The following RABEPK variants were observed in gnomAD, a reference collection of about 807,000 sequenced individuals.
RABEPK encodes the protein 40 kDa Rab9 effector protein.
In RABEPK, 27 loss-of-function variants were observed where a neutral mutation model predicts 34.1. The observed-to-expected ratio is 0.79, with a 90% CI of 0.58 to 1.09. The LOEUF (loss-of-function observed/expected upper bound fraction) is 1.09, where lower values mean the gene tolerates loss of function less well. RABEPK is among the 50% of genes least tolerant of loss of function. The pLI, the probability that RABEPK is intolerant of heterozygous loss-of-function variation, is 0.00. For synonymous variants in RABEPK, 172 were observed against 169.2 expected (o/e 1.02, Z -0.13); for missense variants, 449 against 462.6 (o/e 0.97, Z 0.27).
At chr9:125,231,735 G>T (rs1326720317) in intron 6 of RABEPK, among the ~76,000 whole-genome samples, 1 of 151,300 alleles carries the variant, frequency 6.6e-6, no homozygotes, top group Non-Finnish European at 1.5e-5. Context: ...TGGGAGTCAA[G>T]ATCAAGCCAC....
At chr9:125,222,709 G>GTTT in intron 5 of RABEPK, among the ~76,000 whole-genome samples, 1 of 92,518 alleles carries the variant, frequency 1.1e-5, no homozygotes, top group Non-Finnish European at 1.9e-5. Flanking sequence ...GCAAGACTCT[G>GTTT]TATCAAAAAA....
intron 2 of RABEPK, among the ~76,000 whole-genome samples, chr9:125,207,131 A>G (rs1830276057): frequency 6.6e-6 from 1 of 152,010 alleles, no homozygotes; most frequent in Non-Finnish European, 1.5e-5. Context: ...TCATTTCACA[A>G]ATGAGTAAAC....
intron 4 of RABEPK, among the ~76,000 whole-genome samples, chr9:125,217,583 G>A (rs927352880): frequency 6.6e-6 from 1 of 151,912 alleles, no homozygotes; most frequent in Non-Finnish European, 1.5e-5. Context: ...ATATTAAAGA[G>A]GGTGATTTTC....
chr9:125,213,995 G>A (rs543658989), intron 4 of RABEPK, among the ~76,000 whole-genome samples: 36 of 152,042 alleles, frequency 2.4e-4, no homozygotes, highest in African/African-American at 7.0e-4. Flanking sequence ...AGTGGTGGGC[G>A]CCTATAATCC....
At chr9:125,213,305 C>T (rs1830703209) in intron 3 of RABEPK, 65 bp from the exon 4 acceptor site, 2 of 1,533,986 alleles carry the variant, frequency 1.3e-6, no homozygotes, top group Non-Finnish European at 1.8e-6. Context: ...TGACCCTCCT[C>T]AAGTGTGCCA....
chr9:125,211,968 C>CA (rs1009703533), intron 3 of RABEPK, among the ~76,000 whole-genome samples: 97 of 136,178 alleles, frequency 7.1e-4, no homozygotes, highest in East Asian at 1.9e-3. Context: ...GACTCCATCT[C>CA]AAAAAAAAAA....
At chr9:125,220,477 G>A in intron 4 of RABEPK, 62 bp from the exon 5 acceptor site, 1 of 1,534,886 alleles carries the variant, frequency 6.5e-7, no homozygotes, top group Non-Finnish European at 8.8e-7. Context: ...CTCAGCCCCA[G>A]AGTCAAGGTC....
chr9:125,212,057 A>G (rs757670187), intron 3 of RABEPK, among the ~76,000 whole-genome samples: 1 of 152,176 alleles, frequency 6.6e-6, no homozygotes, highest in Non-Finnish European at 1.5e-5. Context: ...ATTGCAACCT[A>G]TTAATAGCTT....
At chr9:125,233,206 G>C (rs1832332475) in intron 7 of RABEPK, among the ~76,000 whole-genome samples, 1 of 151,830 alleles carries the variant, frequency 6.6e-6, no homozygotes, top group South Asian at 2.1e-4. Flanking sequence ...GCTGCCATAA[G>C]GTTTTTTTCC....
chr9:125,204,149 ATG>A (rs1213213263), intron 2 of RABEPK, among the ~76,000 whole-genome samples: 2 of 152,050 alleles, frequency 1.3e-5, no homozygotes, highest in Admixed American at 1.3e-4. Context: ...TCTGGCTAAC[ATG>A]GTGAAACCCT....
At chr9:125,200,980 T>C in intron 1 of RABEPK, 74 bp downstream of exon 1, 1 of 391,320 alleles carries the variant, frequency 2.6e-6, no homozygotes, top group South Asian at 1.9e-5. Flanking sequence ...TTCTACTCCA[T>C]GCCAGGTCCA....
chr9:125,213,702 AT>A lies in RABEPK; in HGVS notation c.364+181del, dbSNP rs574735458. ...TGTAGCATAATCTGAAAACAACAGA[AT>A]AAAAACAATTGTTGGTAACACATAC... is the stretch of plus-strand genomic sequence containing the variant. On this transcript the variant is annotated intron_variant, in intron 4 of 7. Coordinates refer to ENST00000373538, the MANE Select transcript of RABEPK (RefSeq NM_005833.4). Among the ~76,000 whole-genome samples the A allele has an allele frequency of 5.1e-3, 773 of 152,376 alleles. 1 individual carries two copies. Among genetic ancestry groups the A allele is most frequent in the Middle Eastern group, 0.031 (9 of 294 alleles).
intron 3 of RABEPK, among the ~76,000 whole-genome samples, chr9:125,210,792 G>A (rs563161014): frequency 5.3e-5 from 8 of 150,430 alleles, no homozygotes; most frequent in African/African-American, 9.7e-5. Context: ...ACCCACTTAC[G>A]TATTTTGTTA....
intron 4 of RABEPK, 73 bp from the exon 5 acceptor site, chr9:125,220,466 A>G: frequency 6.5e-7 from 1 of 1,526,720 alleles, no homozygotes; most frequent in Non-Finnish European, 8.8e-7. Flanking sequence ...AACTGACTTC[A>G]CTCAGCCCCA....
intron 5 of RABEPK, 130 bp downstream of exon 5, chr9:125,220,830 T>C: frequency 8.5e-7 from 1 of 1,177,540 alleles, no homozygotes; most frequent in African/African-American, 1.6e-5. Context: ...TTGTTATATC[T>C]CTTAGCTGAT....
Position 125,200,667 on chromosome 9 carries a change from G to A in RABEPK, c.-246G>A, listed in dbSNP as rs1395532105. 3 of 471,052 alleles carry A rather than the reference G, an allele frequency of 6.4e-6. No individual in the cohort carries two copies. The highest frequency in any genetic ancestry group is 4.0e-5 in the African/African-American group (2 of 50,088). The allele number at this position is 471,052 out of a possible 1,614,324, so 29.2% of individuals were successfully genotyped here. A position where few individuals can be genotyped will look rare whatever the true frequency, so the allele number is the denominator to read the frequency against. ...CGGGCAGGGAGTCTGAATCTTTTAGGGGAGTGGGCCCAAGCCGGGTGCAAA... is the reference window on the plus strand; with the variant it reads ...CGGGCAGGGAGTCTGAATCTTTTAGAGGAGTGGGCCCAAGCCGGGTGCAAA... On this transcript the variant is annotated 5_prime_UTR_variant, in exon 1 of 8. Coordinates refer to ENST00000373538, the MANE Select transcript of RABEPK (RefSeq NM_005833.4).
At chr9:125,219,468 C>T (rs1008131881) in intron 4 of RABEPK, among the ~76,000 whole-genome samples, 1 of 152,046 alleles carries the variant, frequency 6.6e-6, no homozygotes, top group Admixed American at 6.6e-5. Context: ...GATCTCAGCT[C>T]ACTGCATCCT....
chr9:125,212,825 A>G (rs1256783690), intron 3 of RABEPK, among the ~76,000 whole-genome samples: 2 of 151,638 alleles, frequency 1.3e-5, no homozygotes, highest in African/African-American at 4.8e-5. Context: ...ACGTGCCACT[A>G]TGCTTGGCTA....
chr9:125,230,538 A>AT (rs35131281), intron 6 of RABEPK, among the ~76,000 whole-genome samples: 6,238 of 137,526 alleles, frequency 0.045, 382 homozygotes, highest in African/African-American at 0.11. Flanking sequence ...GATGGAAACT[A>AT]TTTTTTTTTT....
Sources: gnomAD v4.1 joint callset for allele counts (sites outside exome capture counted in the v4.1 genomes callset) on GRCh38, gnomAD v4.1.1 for gene constraint, MANE v1.5 for transcripts, NCBI Gene and HGNC (gene_info 2026-07-23, HGNC 2026-07-21) for gene names.